SRRM1: variants seen among roughly 807,000 people sequenced by gnomAD.
SRRM1 encodes serine/arginine repetitive matrix protein 1.
A neutral mutation model predicts 110.2 loss-of-function variants in SRRM1; 19 were observed. The ratio of observed to expected loss-of-function variants is 0.17; its 90% CI spans 0.12 to 0.25. The LOEUF (loss-of-function observed/expected upper bound fraction) is 0.25, where lower values mean the gene tolerates loss of function less well. Among genes scored for constraint, SRRM1 ranks in the 10% least tolerant of loss-of-function variants. The pLI is 1.00. For missense variants in SRRM1, 918 were observed against 1,145.8 expected (o/e 0.80, Z 2.87); for synonymous variants, 443 against 414.9 (o/e 1.07, Z -0.82).
chr1:24,663,976 T>A (rs1440061402), intron 12 of SRRM1, among the ~76,000 whole-genome samples: 1 of 148,680 alleles, frequency 6.7e-6, no homozygotes, highest in Non-Finnish European at 1.5e-5. Context: ...AAAGGTGGGT[T>A]GCATAGCTCT....
chr1:24,661,232 G>A (rs1570955433), intron 10 of SRRM1, 78 bp from the exon 11 acceptor site: 3 of 977,178 alleles, frequency 3.1e-6, no homozygotes, highest in South Asian at 3.0e-5. Flanking sequence ...AGGTTTGAGA[G>A]ACTATTTTCC....
chr1:24,644,418 C>A (rs1429405015), intron 1 of SRRM1, among the ~76,000 whole-genome samples: 1 of 152,190 alleles, frequency 6.6e-6, no homozygotes, highest in Non-Finnish European at 1.5e-5. Context: ...CTGAAATACA[C>A]GTTAGCTCTT....
intron 4 of SRRM1, 104 bp downstream of exon 4, chr1:24,649,133 G>A: frequency 9.2e-7 from 1 of 1,086,350 alleles, no homozygotes; most frequent in South Asian, 1.4e-5. Context: ...ATGTAGTTTT[G>A]CTTTGCTGTA....
intron 3 of SRRM1, chr1:24,648,574 A>G: frequency 3.9e-6 from 1 of 259,420 alleles, no homozygotes; most frequent in Non-Finnish European, 7.2e-6. Flanking sequence ...TGTAAGGCCC[A>G]CTAACAGCCA....
chr1:24,655,403 CAT>C (rs1201161548), intron 9 of SRRM1, among the ~76,000 whole-genome samples: 6 of 152,092 alleles, frequency 3.9e-5, no homozygotes, highest in African/African-American at 1.2e-4. Flanking sequence ...GTTGGGGTAA[CAT>C]ATCAAAGTTT....
At chr1:24,660,698 T>C in intron 9 of SRRM1, 21 bp from the exon 10 acceptor site, 1 of 1,424,952 alleles carries the variant, frequency 7.0e-7, no homozygotes, top group Non-Finnish European at 9.5e-7. Context: ...TAAGCTTTTT[T>C]CCACTCTTAT....
intron 1 of SRRM1, chr1:24,643,638 C>T: frequency 2.6e-6 from 1 of 383,912 alleles, no homozygotes; most frequent in Non-Finnish European, 4.6e-6. Context: ...CCTGGCGGGG[C>T]CTGCAGGCCG....
At chr1:24,668,989 G>C (rs1297921054) in intron 13 of SRRM1, 134 bp from the exon 14 acceptor site, 1 of 678,834 alleles carries the variant, frequency 1.5e-6, no homozygotes, top group African/African-American at 1.8e-5. Context: ...AGAATATAAA[G>C]ATAGCATGTT....
chr1:24,655,372 T>C (rs1182395070), intron 9 of SRRM1, among the ~76,000 whole-genome samples: 2 of 152,226 alleles, frequency 1.3e-5, no homozygotes, highest in African/African-American at 2.4e-5. Flanking sequence ...AGAAATCTTT[T>C]ACCAGCCGTG....
At chr1:24,670,069 T>C (rs781148691) in intron 14 of SRRM1, 51 bp from the exon 15 acceptor site, 36 of 1,478,070 alleles carry the variant, frequency 2.4e-5, no homozygotes, top group Non-Finnish European at 3.2e-5. Flanking sequence ...TTTTCTCATG[T>C]GAAGAGAGAT....
At chr1:24,666,483 C>G (rs1670034448) in intron 12 of SRRM1, 1 of 235,238 alleles carries the variant, frequency 4.3e-6, no homozygotes, top group Non-Finnish European at 8.4e-6. Flanking sequence ...CTATATAGGC[C>G]AGGCGTGGTA....
intron 14 of SRRM1, chr1:24,669,891 A>G: frequency 3.6e-6 from 2 of 556,860 alleles, no homozygotes; most frequent in Non-Finnish European, 3.1e-6. Flanking sequence ...TGACATTACT[A>G]ATCTTACATA....
intron 9 of SRRM1, among the ~76,000 whole-genome samples, chr1:24,659,915 G>A (rs970811983): frequency 7.9e-5 from 12 of 152,094 alleles, no homozygotes; most frequent in African/African-American, 2.2e-4. Flanking sequence ...AAGAATCCTC[G>A]TCTTTGTATT....
intron 6 of SRRM1, among the ~76,000 whole-genome samples, chr1:24,652,029 A>AATATATATGTATATATATATATATAT (rs1661027992): frequency 1.3e-5 from 1 of 79,846 alleles, no homozygotes; most frequent in Admixed American, 1.4e-4. Flanking sequence ...CTGTACTAAA[A>AATATATATGTATATATATATATATAT]ATATATATAT....
chr1:24,662,054 C>T (rs770308293), intron 11 of SRRM1, among the ~76,000 whole-genome samples: 4 of 152,198 alleles, frequency 2.6e-5, no homozygotes, highest in African/African-American at 9.7e-5. Context: ...CGCGCCACTG[C>T]ACTCCAGCCT....
intron 3 of SRRM1, 192 bp downstream of exon 3, chr1:24,646,981 AGGTGAAAAAT>A: frequency 2.3e-6 from 1 of 433,342 alleles, no homozygotes; most frequent in East Asian, 3.8e-5. Flanking sequence ...AAAGCTACAC[AGGTGAAAAAT>A]CAAACTTATT....
chr1:24,663,240 C>T, intron 12 of SRRM1: 2 of 1,491,538 alleles, frequency 1.3e-6, no homozygotes, highest in East Asian at 2.5e-5. Flanking sequence ...TTAGACACTA[C>T]TTTGTAAATT....
At position 24,672,185 on chromosome 1, in the gene SRRM1, A is replaced by G. The variant is rs1673155444; in HGVS notation, c.2614A>G (p.Thr872Ala). The G allele has an allele frequency of 3.1e-6, 5 of 1,607,638 alleles. No individual in the cohort carries two copies. Among genetic ancestry groups the G allele is most frequent in the African/African-American group, 2.7e-5 (2 of 74,656 alleles). The change falls in exon 17 of 17, where the codon ACT becomes GCT. Residue 872 changes from threonine (T) to alanine (A), a missense_variant. By Grantham distance (58) the Thr-to-Ala change is moderately conservative. This residue lies in a region of SRRM1 where 62 missense variants were observed against 127.6 expected (regional missense o/e 0.49). Transcript: ENST00000323848. ...PVAAPEPKKE[T>A]ESEAEDNLDD... Reference sequence around the variant, plus strand: ...GTGTAAATTCTGTTTTTTTTAGGAGACTGAAAGTGAAGCTGAAGATAACCT... The same window carrying G: ...GTGTAAATTCTGTTTTTTTTAGGAGGCTGAAAGTGAAGCTGAAGATAACCT...
At chr1:24,657,282 T>C (rs1241214152) in intron 9 of SRRM1, among the ~76,000 whole-genome samples, 2 of 152,216 alleles carry the variant, frequency 1.3e-5, no homozygotes, top group African/African-American at 4.8e-5. Flanking sequence ...TTAACAGTTG[T>C]CATCAAGAAA....
Sources: gnomAD v4.1 joint callset for allele counts (sites outside exome capture counted in the v4.1 genomes callset) on GRCh38, gnomAD v4.1.1 for gene constraint, gnomAD v4.1.1 regional missense constraint, MANE v1.5 for transcripts, NCBI Gene and HGNC (gene_info 2026-07-23, HGNC 2026-07-21) for gene names.